CACNA1B: variants seen among roughly 807,000 people sequenced by gnomAD.
CACNA1B encodes voltage-dependent N-type calcium channel subunit alpha-1B.
Under a neutral mutation model 247.2 loss-of-function variants are expected in CACNA1B, and 70 were observed. The observed-to-expected ratio is 0.28, with a 90% CI of 0.23 to 0.35. The LOEUF (loss-of-function observed/expected upper bound fraction) is 0.35. Ranked by LOEUF, CACNA1B falls within the 10% of genes least tolerant of loss-of-function variation. The pLI is 1.00. For missense variants in CACNA1B, 2,367 were observed against 3,197.4 expected, an observed-to-expected ratio of 0.74 and a Z score of 6.26; for synonymous variants, 1,231 against 1,294.4, an observed-to-expected ratio of 0.95 and a Z score of 1.05.
intron 6 of CACNA1B, among the ~76,000 whole-genome samples, chr9:137,948,655 T>G (rs1957826268): frequency 6.6e-6 from 1 of 151,996 alleles, no homozygotes. Context: ...TTGGTGTGTT[T>G]GTGGTGTGTG....
intron 15 of CACNA1B, among the ~76,000 whole-genome samples, chr9:137,992,882 C>T (rs1427336548): frequency 6.6e-6 from 1 of 151,952 alleles, no homozygotes; most frequent in African/African-American, 2.4e-5. Flanking sequence ...CCAAAGGCAC[C>T]CACAAAACCA....
chr9:138,122,188 C>A lies in CACNA1B; in HGVS notation c.*189C>A. The A allele has an allele frequency of 1.7e-6, 1 of 602,902 alleles. No individual in the cohort carries two copies. The allele number at this position is 602,902 out of a possible 1,614,324, so 37.3% of individuals were successfully genotyped here. On this transcript the variant is annotated 3_prime_UTR_variant, in exon 47 of 47. Coordinates refer to ENST00000371372, the MANE Select transcript of CACNA1B (RefSeq NM_000718.4). ...ACGAATAAAGCCCTGTTAGAGGATG[C>A]GGCTCTCTCTGTCCCCTTCCTGTCC... is the stretch of plus-strand genomic sequence containing the variant.
At chr9:138,101,758 G>A (rs1208942334) in intron 37 of CACNA1B, among the ~76,000 whole-genome samples, 1 of 152,228 alleles carries the variant, frequency 6.6e-6, no homozygotes, top group Non-Finnish European at 1.5e-5. Flanking sequence ...GTGGGAGGAG[G>A]GCAAGGCCCC....
intron 39 of CACNA1B, among the ~76,000 whole-genome samples, chr9:138,111,019 T>C (rs1439247178): frequency 6.6e-6 from 1 of 151,022 alleles, no homozygotes; most frequent in Admixed American, 6.6e-5. Flanking sequence ...TCCAGTCTAC[T>C]GGAGTTGCCA....
At chr9:138,077,120 C>CT (rs1960350446) in intron 35 of CACNA1B, among the ~76,000 whole-genome samples, 1 of 152,172 alleles carries the variant, frequency 6.6e-6, no homozygotes, top group Non-Finnish European at 1.5e-5. Flanking sequence ...TGGGAACACC[C>CT]TTATCAGTCA....
At chr9:137,893,860 A>G (rs572322758) in intron 3 of CACNA1B, among the ~76,000 whole-genome samples, 2 of 152,328 alleles carry the variant, frequency 1.3e-5, no homozygotes, top group African/African-American at 4.8e-5. Context: ...AGGGCCCAGA[A>G]CAGCCCGTCC....
chr9:137,986,611 G>A lies in CACNA1B; in HGVS notation c.1901+67G>A, dbSNP rs1032130445. The A allele has an allele frequency of 5.0e-6, 8 of 1,587,630 alleles. No individual in the cohort carries two copies. The highest frequency in any genetic ancestry group is 1.7e-4 in the Middle Eastern group (1 of 6,004). On this transcript the variant is annotated intron_variant, in intron 14 of 46. Coordinates refer to ENST00000371372, the MANE Select transcript of CACNA1B (RefSeq NM_000718.4). The surrounding 1 kb of genome is among the most constrained non-coding windows in gnomAD (Gnocchi z 6.0). ...CAGGGAAGCAGAGCTCAGAGCAGAC[G>A]GTGCCGCCCAGGCTGCCTCCACCCA...
At chr9:138,105,638 A>T (rs1961396522) in intron 38 of CACNA1B, 61 bp from the exon 39 acceptor site, 2 of 873,108 alleles carry the variant, frequency 2.3e-6, no homozygotes, top group South Asian at 2.8e-5. Flanking sequence ...ATCATTGCGT[A>T]GTCTTGGGGT....
In CACNA1B at chr9:137,952,504, G is replaced by A. The variant is rs41277867; in HGVS notation, c.1070+127G>A. On this transcript the variant is annotated intron_variant, in intron 7 of 46. Coordinates refer to ENST00000371372, the MANE Select transcript of CACNA1B (RefSeq NM_000718.4). The surrounding 1 kb of genome is among the most constrained non-coding windows in gnomAD (Gnocchi z 4.8). ...GTGCCCTCTGTGGTGGTTGCCCCTG[G>A]TGTTCTGGGTTCTGGTAGCCCTTCC... 115,592 of 733,970 alleles carry A rather than the reference G, an allele frequency of 0.16. 11,085 individuals carry two copies. Among genetic ancestry groups the A allele is most frequent in the East Asian group, 0.43 (16,276 of 37,734 alleles). The allele number at this position is 733,970 out of a possible 1,614,324, so 45.5% of individuals were successfully genotyped here. A position where few individuals can be genotyped will look rare whatever the true frequency, so the allele number is the denominator to read the frequency against.
At chr9:138,017,765 C>T (rs1362383057) in intron 18 of CACNA1B, among the ~76,000 whole-genome samples, 1 of 152,214 alleles carries the variant, frequency 6.6e-6, no homozygotes, top group Non-Finnish European at 1.5e-5. Flanking sequence ...TCCAGGGTGG[C>T]CCTCCAGGGA....
intron 36 of CACNA1B, among the ~76,000 whole-genome samples, chr9:138,092,985 T>A (rs1161335412): frequency 6.6e-6 from 1 of 151,796 alleles, no homozygotes; most frequent in Non-Finnish European, 1.5e-5. Flanking sequence ...AATATCCATT[T>A]CTCCAAATAC....
At chr9:137,924,677 C>T (rs913395648) in intron 6 of CACNA1B, among the ~76,000 whole-genome samples, 8 of 152,194 alleles carry the variant, frequency 5.3e-5, no homozygotes, top group African/African-American at 1.4e-4. Flanking sequence ...TGTTATTTCT[C>T]TTCATATATT....
intron 11 of CACNA1B, among the ~76,000 whole-genome samples, chr9:137,972,446 A>C (rs1958164825): frequency 6.6e-6 from 1 of 151,982 alleles, no homozygotes. Context: ...TGTTTGCCTG[A>C]AGCTGCCGAG....
intron 6 of CACNA1B, among the ~76,000 whole-genome samples, chr9:137,943,907 C>T (rs1264986556): frequency 1.3e-5 from 2 of 152,238 alleles, no homozygotes; most frequent in African/African-American, 4.8e-5. Flanking sequence ...TTGCCCACAT[C>T]CTGCTTTCAT....
rs1267691952 is a variant in CACNA1B at position 137,971,503 on chromosome 9, A to T, written c.1454A>T (p.Tyr485Phe). ...IRRMVKAQSF[Y>F]WVVLCVVALN... ...CGCATGGTGAAGGCTCAGAGCTTCT[A>T]CTGGGTGGTGCTGTGCGTGGTGGCC... The change falls in exon 11 of 47, where the codon TAC becomes TTC. Residue 485 changes from tyrosine (Y) to phenylalanine (F), a missense_variant. Transcript: ENST00000371372. This position sits in a 1 kb window ranked among gnomAD's most constrained non-coding sequence, Gnocchi z 4.4. 1 of 1,613,772 alleles carries T rather than the reference A, an allele frequency of 6.2e-7. No individual in the cohort carries two copies. Among genetic ancestry groups the T allele is most frequent in the East Asian group, 2.2e-5 (1 of 44,878 alleles).
rs573297084 is a variant in CACNA1B at position 138,057,691 on chromosome 9, T to G, written c.3969-41T>G. 31 of 1,576,848 alleles carry G rather than the reference T, an allele frequency of 2.0e-5. No homozygotes were observed. In the East Asian group the frequency reaches 6.8e-4, roughly 35 times the overall value. On this transcript the variant is annotated intron_variant, in intron 26 of 46. Transcript: ENST00000371372. The surrounding 1 kb of genome is among the most constrained non-coding windows in gnomAD (Gnocchi z 4.0). The stretch of plus-strand genomic sequence containing the variant: ...CTTGATAGGTGGGTTTATTTGGATC[T>G]TTTGTCTTTGCCCTCTAACCTCCCA...
At chr9:138,044,928 C>G (rs989612435) in intron 21 of CACNA1B, among the ~76,000 whole-genome samples, 5 of 152,200 alleles carry the variant, frequency 3.3e-5, no homozygotes, top group Non-Finnish European at 7.3e-5. Context: ...CAGACGTGGA[C>G]CCTGCCATGT....
At chr9:138,088,552 G>C (rs866114293) in intron 36 of CACNA1B, among the ~76,000 whole-genome samples, 1 of 152,090 alleles carries the variant, frequency 6.6e-6, no homozygotes, top group South Asian at 2.1e-4. Flanking sequence ...AGAAAACCTA[G>C]CGGAAATGGA....
At chr9:138,087,384 C>CAAAAA (rs58566171) in intron 36 of CACNA1B, among the ~76,000 whole-genome samples, 19 of 52,620 alleles carry the variant, frequency 3.6e-4, no homozygotes, top group African/African-American at 1.2e-3. Flanking sequence ...GACTCTGTCT[C>CAAAAA]AAAAAAAAAA....
Sources: gnomAD v4.1 joint callset for allele counts (sites outside exome capture counted in the v4.1 genomes callset) on GRCh38, gnomAD v4.1.1 for gene constraint, Gnocchi (gnomAD v3.1) non-coding constraint, MANE v1.5 for transcripts, NCBI Gene and HGNC (gene_info 2026-07-23, HGNC 2026-07-21) for gene names.